AFG2A: variants seen among roughly 807,000 people sequenced by gnomAD.
AFG2A encodes the protein ATPase family gene 2 protein homolog A.
the AFG2A span, among the ~76,000 whole-genome samples, chr4:123,140,316 A>C: frequency 3.3e-5 from 5 of 152,102 alleles, no homozygotes; most frequent in African/African-American, 1.2e-4. Flanking sequence ...AGATGTACAT[A>C]GCTTAATGGA....
At chr4:123,189,345 G>A in the AFG2A span, among the ~76,000 whole-genome samples, 1 of 152,038 alleles carries the variant, frequency 6.6e-6, no homozygotes, top group Non-Finnish European at 1.5e-5. Context: ...TGGAGACCTG[G>A]GATGTACACC....
the AFG2A span, among the ~76,000 whole-genome samples, chr4:123,100,624 C>A: frequency 6.6e-6 from 1 of 151,824 alleles, no homozygotes; most frequent in African/African-American, 2.4e-5. Flanking sequence ...CCCTGAATAC[C>A]TTGCTTCTCC....
chr4:123,026,826 CAT>C, the AFG2A span, among the ~76,000 whole-genome samples: 1 of 152,318 alleles, frequency 6.6e-6, no homozygotes, highest in East Asian at 1.9e-4. Context: ...TTAGTCATCA[CAT>C]AGTCCATATT....
the AFG2A span, among the ~76,000 whole-genome samples, chr4:123,067,678 T>C: frequency 6.6e-6 from 1 of 152,172 alleles, no homozygotes; most frequent in East Asian, 1.9e-4. Context: ...TTTTATTTTA[T>C]TGGAGGAGTT....
At chr4:122,967,868 T>C in the AFG2A span, among the ~76,000 whole-genome samples, 4 of 152,292 alleles carry the variant, frequency 2.6e-5, no homozygotes, top group Admixed American at 1.3e-4. Flanking sequence ...GATTAGAAAG[T>C]ACTCTAAATA....
the AFG2A span, among the ~76,000 whole-genome samples, chr4:123,191,775 G>C: frequency 6.6e-6 from 1 of 152,006 alleles, no homozygotes; most frequent in Non-Finnish European, 1.5e-5. Context: ...TTTTCCATGA[G>C]TGGTTGTCAT....
the AFG2A span, among the ~76,000 whole-genome samples, chr4:123,089,735 C>G: frequency 6.6e-6 from 1 of 152,120 alleles, no homozygotes; most frequent in South Asian, 2.1e-4. Flanking sequence ...CATGTACATA[C>G]TACCACACCT....
chr4:123,151,678 G>A, the AFG2A span, among the ~76,000 whole-genome samples: 2 of 152,302 alleles, frequency 1.3e-5, no homozygotes, highest in African/African-American at 2.4e-5. Context: ...TACACTGTTG[G>A]TGGGAGTATA....
chr4:123,228,927 G>T, the AFG2A span, among the ~76,000 whole-genome samples: 1 of 151,916 alleles, frequency 6.6e-6, no homozygotes, highest in Non-Finnish European at 1.5e-5. Flanking sequence ...TATTTATCAA[G>T]CACATTAGAT....
the AFG2A span, among the ~76,000 whole-genome samples, chr4:123,271,879 T>C: frequency 6.7e-6 from 1 of 149,456 alleles, no homozygotes; most frequent in East Asian, 1.9e-4. Context: ...TTTTTTTTTT[T>C]CATGCCCCAA....
chr4:122,993,635 T>C, the AFG2A span, among the ~76,000 whole-genome samples: 4 of 152,236 alleles, frequency 2.6e-5, no homozygotes, highest in Admixed American at 6.5e-5. Context: ...AAGGTTATTC[T>C]AATTTATGAT....
At chr4:123,028,159 A>G in the AFG2A span, 2 of 1,594,858 alleles carry the variant, frequency 1.3e-6, no homozygotes, top group Non-Finnish European at 1.7e-6. Flanking sequence ...GGCAAAACTT[A>G]TATTTGGAAA....
the AFG2A span, among the ~76,000 whole-genome samples, chr4:122,993,742 A>T: frequency 2.0e-5 from 3 of 151,912 alleles, no homozygotes; most frequent in Non-Finnish European, 4.4e-5. Flanking sequence ...TTATTTTTTT[A>T]ACTTTTGGAA....
At chr4:122,938,558 A>C in the AFG2A span, among the ~76,000 whole-genome samples, 1 of 152,284 alleles carries the variant, frequency 6.6e-6, no homozygotes, top group South Asian at 2.1e-4. Context: ...AAGATTTAGC[A>C]GTTAAATTTT....
At chr4:123,190,613 G>T in the AFG2A span, among the ~76,000 whole-genome samples, 1 of 152,108 alleles carries the variant, frequency 6.6e-6, no homozygotes, top group Non-Finnish European at 1.5e-5. Flanking sequence ...TAGATTAATG[G>T]ACAGAGGTTA....
At chr4:123,028,305 A>C in the AFG2A span, 2 of 1,614,150 alleles carry the variant, frequency 1.2e-6, no homozygotes, top group East Asian at 2.2e-5. Context: ...CACCTAAAGG[A>C]GTTCTTCTCT....
chr4:122,946,308 G>A, the AFG2A span, among the ~76,000 whole-genome samples: 2 of 152,208 alleles, frequency 1.3e-5, no homozygotes, highest in Non-Finnish European at 2.9e-5. Context: ...TCAATCTGCT[G>A]TCTCTTTCTC....
the AFG2A span, among the ~76,000 whole-genome samples, chr4:123,240,486 G>A: frequency 6.6e-5 from 10 of 152,188 alleles, no homozygotes; most frequent in South Asian, 2.1e-4. Context: ...ACTCAAAACC[G>A]CACAACTACA....
the AFG2A span, among the ~76,000 whole-genome samples, chr4:123,152,912 T>C: frequency 1.8e-4 from 27 of 152,248 alleles, no homozygotes; most frequent in African/African-American, 6.3e-4. Flanking sequence ...CTGAGATTTC[T>C]TTAACAGCGG....
Sources: gnomAD v4.1 joint callset for allele counts (sites outside exome capture counted in the v4.1 genomes callset) on GRCh38, gnomAD v4.1.1 for gene constraint, MANE v1.5 for transcripts, NCBI Gene and HGNC (gene_info 2026-07-23, HGNC 2026-07-21) for gene names.